Variants in ZNF385B observed in about 807,000 individuals in gnomAD.
ZNF385B encodes zinc finger protein 385B.
ZNF385B carries 23 observed loss-of-function variants against 39.2 expected under a neutral mutation model. That is an observed-to-expected ratio of 0.59 (90% CI 0.42 to 0.83). ZNF385B has a LOEUF of 0.83. Ranked by LOEUF, ZNF385B falls within the 40% of genes least tolerant of loss-of-function variation. The pLI, the probability that ZNF385B is intolerant of heterozygous loss-of-function variation, is 0.00. For synonymous variants in ZNF385B, 205 were observed against 222.6 expected, an observed-to-expected ratio of 0.92 and a Z score of 0.70; for missense variants, 552 against 598.9, an observed-to-expected ratio of 0.92 and a Z score of 0.82.
In ZNF385B at chr2:179,607,132, C is replaced by A. The variant is rs368779773; in HGVS notation, c.299-62163G>T. On this transcript the variant is annotated intron_variant, in intron 3 of 9. Coordinates refer to ENST00000410066, the MANE Select transcript of ZNF385B (RefSeq NM_152520.6). ...GACGTGTGCAGGGTGTGGTTTGGAT[C>A]AGGACATGGGATGAATAAGAATGGG... is the stretch of plus-strand genomic sequence containing the variant. Among the ~76,000 whole-genome samples, 11 of 152,212 alleles carry A rather than the reference C, an allele frequency of 7.2e-5. No individual in the cohort carries two copies. In the East Asian group the frequency reaches 2.1e-3, roughly 29 times the overall value.
chr2:179,508,712 GGTGA>G (rs2057435701), intron 5 of ZNF385B, among the ~76,000 whole-genome samples: 3 of 152,118 alleles, frequency 2.0e-5, no homozygotes, highest in South Asian at 4.2e-4. Flanking sequence ...AATAAGTGAG[GGTGA>G]GTATTGCTAC....
chr2:179,566,782 G>T (rs538742411), intron 3 of ZNF385B, among the ~76,000 whole-genome samples: 2 of 152,154 alleles, frequency 1.3e-5, no homozygotes, highest in Non-Finnish European at 2.9e-5. Context: ...TTCAGCTTCA[G>T]TTCCTTCATC....
At chr2:179,786,182 T>A (rs1704989498) in intron 1 of ZNF385B, among the ~76,000 whole-genome samples, 1 of 152,166 alleles carries the variant, frequency 6.6e-6, no homozygotes. Flanking sequence ...TTAGATGTGA[T>A]TAGATTATAG....
At chr2:179,636,391 A>C (rs561721779) in intron 3 of ZNF385B, among the ~76,000 whole-genome samples, 2 of 152,158 alleles carry the variant, frequency 1.3e-5, no homozygotes, top group African/African-American at 4.8e-5. Context: ...TGCACATCCC[A>C]CTAAACTCTG....
chr2:179,487,744 A>G (rs74902147), intron 5 of ZNF385B, among the ~76,000 whole-genome samples: 20,931 of 152,182 alleles, frequency 0.14, 1,565 homozygotes, highest in Non-Finnish European at 0.17. Flanking sequence ...TTCCCCTCCT[A>G]AAGTGCTGCT....
chr2:179,737,556 G>A (rs936812825), intron 3 of ZNF385B, among the ~76,000 whole-genome samples: 14 of 151,978 alleles, frequency 9.2e-5, no homozygotes, highest in Non-Finnish European at 4.4e-5. Context: ...CTTTTATTAA[G>A]ACATCTATGA....
intron 1 of ZNF385B, chr2:179,860,806 G>A (rs768664430): frequency 4.3e-6 from 2 of 465,070 alleles, no homozygotes; most frequent in South Asian, 3.1e-5. Flanking sequence ...TTGGGAATTG[G>A]AGCCTACCCT....
intron 1 of ZNF385B, among the ~76,000 whole-genome samples, chr2:179,811,406 A>G (rs1706723748): frequency 6.6e-6 from 1 of 152,192 alleles, no homozygotes; most frequent in Non-Finnish European, 1.5e-5. Context: ...ACTTCAAACT[A>G]TACTATATGG....
At chr2:179,833,014 G>T (rs1486728622) in intron 1 of ZNF385B, among the ~76,000 whole-genome samples, 1 of 152,106 alleles carries the variant, frequency 6.6e-6, no homozygotes, top group Non-Finnish European at 1.5e-5. Flanking sequence ...ACATTTCTCA[G>T]AGTATATCAC....
At chr2:179,650,692 T>C (rs1290991193) in intron 3 of ZNF385B, among the ~76,000 whole-genome samples, 3 of 152,222 alleles carry the variant, frequency 2.0e-5, no homozygotes, top group Non-Finnish European at 2.9e-5. Context: ...AGGATAGATA[T>C]TTCATTGCCT....
At chr2:179,661,989 T>C (rs1166941460) in intron 3 of ZNF385B, among the ~76,000 whole-genome samples, 1 of 152,250 alleles carries the variant, frequency 6.6e-6, no homozygotes, top group Non-Finnish European at 1.5e-5. Context: ...AAAGTCACTT[T>C]TTAAAAACCA....
At chr2:179,799,959 T>C (rs1559205910) in intron 1 of ZNF385B, among the ~76,000 whole-genome samples, 1 of 152,116 alleles carries the variant, frequency 6.6e-6, no homozygotes, top group Non-Finnish European at 1.5e-5. Flanking sequence ...TGACATTCAA[T>C]TCTGAAATGA....
chr2:179,631,093 T>C (rs1691165222), intron 3 of ZNF385B, among the ~76,000 whole-genome samples: 1 of 152,158 alleles, frequency 6.6e-6, no homozygotes, highest in Non-Finnish European at 1.5e-5. Flanking sequence ...TGGAAAACAT[T>C]CTTCAGGATA....
chr2:179,491,904 T>C (rs1002994457), intron 5 of ZNF385B, among the ~76,000 whole-genome samples: 2 of 149,288 alleles, frequency 1.3e-5, no homozygotes, highest in Admixed American at 1.3e-4. Flanking sequence ...TCTTGCTATA[T>C]TGCTCAGGCT....
intron 1 of ZNF385B, among the ~76,000 whole-genome samples, chr2:179,836,529 T>TTTTTTTTTTTTA (rs1259361550): frequency 6.8e-6 from 1 of 147,866 alleles, no homozygotes; most frequent in Non-Finnish European, 1.5e-5. Context: ...TTTTTTTTTT[T>TTTTTTTTTTTTA]GAGACGGAGT....
chr2:179,593,768 G>A (rs889599697), intron 3 of ZNF385B, among the ~76,000 whole-genome samples: 8 of 152,136 alleles, frequency 5.3e-5, no homozygotes, highest in Admixed American at 3.9e-4. Context: ...CTAGGGTGAC[G>A]ATGTAATTTA....
chr2:179,474,056 G>A (rs1017110519), intron 6 of ZNF385B, among the ~76,000 whole-genome samples: 1 of 151,742 alleles, frequency 6.6e-6, no homozygotes, highest in East Asian at 1.9e-4. Context: ...TGGCACTCGG[G>A]AATCATACCT....
intron 5 of ZNF385B, among the ~76,000 whole-genome samples, chr2:179,504,668 A>G (rs2057088406): frequency 6.6e-6 from 1 of 150,916 alleles, no homozygotes. Flanking sequence ...TGGGGTGGGG[A>G]GAGGGGGGAG....
chr2:179,745,250 T>A (rs17773553), intron 3 of ZNF385B, among the ~76,000 whole-genome samples: 7,796 of 152,148 alleles, frequency 0.051, 269 homozygotes, highest in Non-Finnish European at 0.08. Flanking sequence ...GTAATCCACA[T>A]CACTTACTTT....
Sources: allele counts gnomAD v4.1 joint callset (sites outside exome capture counted in the v4.1 genomes callset), GRCh38; gene constraint gnomAD v4.1.1; transcripts MANE v1.5; gene names NCBI Gene and HGNC (gene_info 2026-07-23, HGNC 2026-07-21).